Variants in KYAT3 observed in about 807,000 individuals in gnomAD.
KYAT3 encodes kynurenine--oxoglutarate transaminase 3.
KYAT3 carries 50 observed loss-of-function variants against 59.0 expected under a neutral mutation model. That is an observed-to-expected ratio of 0.85 (90% CI 0.68 to 1.07). The LOEUF (loss-of-function observed/expected upper bound fraction) is 1.07. Ranked by LOEUF, KYAT3 falls within the 50% of genes least tolerant of loss-of-function variation. KYAT3 has a pLI of 0.00. For missense variants in KYAT3, 497 were observed against 533.3 expected (o/e 0.93, Z 0.67); for synonymous variants, 148 against 177.0 (o/e 0.84, Z 1.30).
At position 88,962,125 on chromosome 1, in the gene KYAT3, GA is replaced by G; in HGVS notation, c.473del (p.Phe158SerfsTer9). ...TCACCATGGGCTCATAGCAGTCATA[GA>G]AAGGCACTATTAGTATGACCTGCAA... ...EGDEVILIVP[F>X]YDCYEPMVRM... On this transcript the variant is annotated frameshift_variant, in exon 6 of 14. Coordinates refer to ENST00000260508, the MANE Select transcript of KYAT3 (RefSeq NM_001008661.3). LOFTEE classifies it high-confidence loss of function. 1 of 1,613,156 alleles carries G rather than the reference GA, an allele frequency of 6.2e-7. No homozygotes were observed.
intron 8 of KYAT3, among the ~76,000 whole-genome samples, chr1:88,957,904 T>G (rs12059932): frequency 0.032 from 4,942 of 152,260 alleles, 243 homozygotes; most frequent in African/African-American, 0.11. Flanking sequence ...GATGGGCAAT[T>G]GTGGCCTCTG....
In KYAT3 at chr1:88,970,151, T is replaced by C. The variant is rs529783018; in HGVS notation, c.100-684A>G. The stretch of plus-strand genomic sequence containing the variant: ...GAACATCATTTTAGGTAAGATGTAC[T>C]AAGAGTTTCACAAGTAAGTTCCTTG... On this transcript the variant is annotated intron_variant, in intron 2 of 13. Coordinates refer to ENST00000260508, the MANE Select transcript of KYAT3 (RefSeq NM_001008661.3). Among the ~76,000 whole-genome samples, 6 of 152,304 alleles carry C rather than the reference T, an allele frequency of 3.9e-5. No homozygotes were observed. The South Asian group carries it at 1.2e-3, about 32-fold the overall frequency.
At chr1:88,963,085 A>T (rs888031774) in intron 5 of KYAT3, among the ~76,000 whole-genome samples, 1 of 151,930 alleles carries the variant, frequency 6.6e-6, no homozygotes, top group Non-Finnish European at 1.5e-5. Context: ...CTACTGAGAG[A>T]GGCTTATAAT....
chr1:88,971,465 GT>G lies in KYAT3; in HGVS notation c.100-1999del, dbSNP rs199814654. 4.2e-3 allele frequency among the ~76,000 whole-genome samples: 630 copies of G among 151,122 alleles called. 2 individuals are homozygous for G. Among genetic ancestry groups the G allele is most frequent in the Non-Finnish European group, 7.2e-3 (487 of 67,732 alleles). ...TCTTTCTATACCAATGTTTCTCAATGTTTTTTTTTATTATTGCCCACCTAAG... is the reference window on the plus strand; with the variant it reads ...TCTTTCTATACCAATGTTTCTCAATGTTTTTTTTATTATTGCCCACCTAAG... On this transcript the variant is annotated intron_variant, in intron 2 of 13. Transcript: ENST00000260508.
At chr1:88,948,486 T>C (rs1675536867) in intron 11 of KYAT3, among the ~76,000 whole-genome samples, 2 of 152,322 alleles carry the variant, frequency 1.3e-5, no homozygotes, top group South Asian at 4.1e-4. Context: ...TAAAAAACAA[T>C]GCTTTTTGGA....
intron 2 of KYAT3, among the ~76,000 whole-genome samples, chr1:88,975,045 C>T (rs181453270): frequency 2.0e-5 from 3 of 152,330 alleles, no homozygotes; most frequent in African/African-American, 7.2e-5. Context: ...TGCTGCTGCT[C>T]ACTCTTTGGG....
intron 5 of KYAT3, 154 bp downstream of exon 5, chr1:88,964,675 C>T (rs765380718): frequency 6.1e-5 from 40 of 656,004 alleles, no homozygotes; most frequent in Middle Eastern, 2.7e-4. Context: ...TCCAGCTGTA[C>T]ATTTAAGATT....
At chr1:88,984,302 C>T (rs948496882) in intron 2 of KYAT3, among the ~76,000 whole-genome samples, 2 of 147,066 alleles carry the variant, frequency 1.4e-5, no homozygotes, top group African/African-American at 5.0e-5. Flanking sequence ...GCAACCTCTG[C>T]CTCCCAGGCT....
chr1:88,983,122 T>A (rs777699017), intron 2 of KYAT3: 1 of 1,612,400 alleles, frequency 6.2e-7, no homozygotes, highest in Non-Finnish European at 8.5e-7. Context: ...GTGGTGGTGG[T>A]GCATAATCTC....
At chr1:88,945,161 T>C (rs182589603) in intron 11 of KYAT3, among the ~76,000 whole-genome samples, 1 of 151,994 alleles carries the variant, frequency 6.6e-6, no homozygotes, top group East Asian at 1.9e-4. Context: ...AGTAACGTAA[T>C]ACCATGATGT....
chr1:88,933,765 C>G (rs1674957999), downstream of KYAT3, among the ~76,000 whole-genome samples: 1 of 152,182 alleles, frequency 6.6e-6, no homozygotes, highest in South Asian at 2.1e-4. Context: ...AAAATTTTGT[C>G]AAGTTCCCAG....
chr1:88,942,390 C>A (rs4233335), intron 13 of KYAT3, among the ~76,000 whole-genome samples: 70,642 of 151,550 alleles, frequency 0.47, 17,069 homozygotes, highest in South Asian at 0.68. Flanking sequence ...ATCTGGGTCA[C>A]CTTTAGGCCT....
downstream of KYAT3, among the ~76,000 whole-genome samples, chr1:88,931,480 C>T (rs1674906038): frequency 6.6e-6 from 1 of 152,098 alleles, no homozygotes; most frequent in South Asian, 2.1e-4. Context: ...ACTGTACAAC[C>T]CCTACTATGC....
chr1:88,943,302 A>G (rs1039808486), intron 12 of KYAT3, 48 bp downstream of exon 12: 2 of 1,214,514 alleles, frequency 1.6e-6, no homozygotes, highest in Admixed American at 2.0e-5. Context: ...TCCTTCAAAA[A>G]TTAACTATAA....
At chr1:88,990,836 A>C (rs777952541) in intron 1 of KYAT3, among the ~76,000 whole-genome samples, 24 of 152,244 alleles carry the variant, frequency 1.6e-4, no homozygotes, top group Non-Finnish European at 3.4e-4. Context: ...AGCATTTTCT[A>C]ATGCAATCAA....
intron 2 of KYAT3, among the ~76,000 whole-genome samples, chr1:88,979,095 C>G (rs1676945193): frequency 3.3e-5 from 5 of 152,146 alleles, no homozygotes; most frequent in Admixed American, 3.3e-4. Context: ...CAATCTGAAA[C>G]AGTTTAGATG....
In KYAT3 at chr1:88,944,763, G is replaced by C. The variant is rs148331852; in HGVS notation, c.1142-1340C>G. 7.9e-5 allele frequency among the ~76,000 whole-genome samples: 12 copies of C among 152,322 alleles called. 1 individual carries two copies. The East Asian group carries it at 2.3e-3, about 29-fold the overall frequency. Reference sequence around the variant, plus strand: ...GAGAAAGGAGTGAATACCTAAGGGAGTAGAAGAGGATTATTGACTAATTCT... The same window carrying C: ...GAGAAAGGAGTGAATACCTAAGGGACTAGAAGAGGATTATTGACTAATTCT... On this transcript the variant is annotated intron_variant, in intron 11 of 13. Transcript: ENST00000260508.
At chr1:88,991,725 A>G (rs1677805432) in intron 1 of KYAT3, among the ~76,000 whole-genome samples, 1 of 152,260 alleles carries the variant, frequency 6.6e-6, no homozygotes, top group Admixed American at 6.5e-5. Context: ...AAACTTCTCC[A>G]GAAGGAAAGC....
At chr1:88,987,378 T>C (rs1570853105) in intron 2 of KYAT3, among the ~76,000 whole-genome samples, 2 of 152,076 alleles carry the variant, frequency 1.3e-5, no homozygotes, top group African/African-American at 4.8e-5. Flanking sequence ...AGTTATGAGG[T>C]AGAATTCATA....
Sources: allele counts gnomAD v4.1 joint callset (sites outside exome capture counted in the v4.1 genomes callset), GRCh38; gene constraint gnomAD v4.1.1; transcripts MANE v1.5; gene names NCBI Gene and HGNC (gene_info 2026-07-23, HGNC 2026-07-21).